Variants in ZBTB25 observed in about 807,000 individuals in gnomAD.
The protein encoded by ZBTB25 is zinc finger and BTB domain-containing protein 25.
A neutral mutation model predicts 34.2 loss-of-function variants in ZBTB25; 20 were observed. The ratio of observed to expected loss-of-function variants is 0.58; its 90% CI spans 0.41 to 0.85. The LOEUF (loss-of-function observed/expected upper bound fraction) is 0.85, where lower values mean the gene tolerates loss of function less well. ZBTB25 is among the 40% of genes least tolerant of loss of function. The probability of loss-of-function intolerance (pLI) is 0.00; values close to 1 mark genes in which losing one functional copy is unlikely to be tolerated. For synonymous variants in ZBTB25, 175 were observed against 186.4 expected (o/e 0.94, Z 0.50); for missense variants, 437 against 521.8 (o/e 0.84, Z 1.58).
Position 64,481,843 on chromosome 14 carries a change from T to G in ZBTB25, c.*5080A>C, listed in dbSNP as rs1011336060. 6.6e-6 allele frequency: 1 copy of G among 152,178 alleles called. No individual in the cohort carries two copies. The highest frequency in any genetic ancestry group is 1.9e-4 in the East Asian group (1 of 5,202). 9.4% of individuals were successfully genotyped at this position (152,178 alleles called of 1,614,324 possible). On this transcript the variant is annotated 3_prime_UTR_variant, in exon 3 of 3. Transcript: ENST00000608382. ...ACTTCACTCTTAAGAAATCAAAAAT[T>G]AATAATTTAAGTGCCACAAATCTAT...
downstream of ZBTB25, chr14:64,473,683 C>A (rs1341892401): frequency 1.8e-5 from 3 of 166,810 alleles, no homozygotes; most frequent in Non-Finnish European, 4.4e-5. Flanking sequence ...TGAAAAGATC[C>A]TTTTAATGTC....
chr14:64,502,904 A>G (rs2079543695), intron 1 of ZBTB25: 1 of 985,416 alleles, frequency 1.0e-6, no homozygotes, highest in Non-Finnish European at 1.2e-6. Flanking sequence ...TACATACATG[A>G]CAGAATCTTG....
chr14:64,477,918 A>G (rs1185179393), downstream of ZBTB25: 2 of 152,270 alleles, frequency 1.3e-5, no homozygotes, highest in Non-Finnish European at 2.9e-5. Context: ...AGTGGGTGAG[A>G]GCCATCTTCT....
chr14:64,503,492 T>C, intron 1 of ZBTB25, 169 bp downstream of exon 1: 1 of 985,372 alleles, frequency 1.0e-6, no homozygotes, highest in African/African-American at 1.7e-5. Flanking sequence ...GCGGATGTAT[T>C]TTCCTCCTGT....
At chr14:64,498,682 G>A (rs1158039770) in intron 1 of ZBTB25, among the ~76,000 whole-genome samples, 1 of 151,718 alleles carries the variant, frequency 6.6e-6, no homozygotes, top group African/African-American at 2.4e-5. Context: ...TGCCCAGGCT[G>A]GAGTGCAGTG....
intron 2 of ZBTB25, among the ~76,000 whole-genome samples, chr14:64,454,382 G>C (rs2078429753): frequency 6.6e-6 from 1 of 152,106 alleles, no homozygotes; most frequent in Non-Finnish European, 1.5e-5. Flanking sequence ...CAAAGTGCTG[G>C]AATTTATAGG....
At chr14:64,459,809 T>G in intron 2 of ZBTB25, 2 of 1,535,870 alleles carry the variant, frequency 1.3e-6, no homozygotes, top group Non-Finnish European at 1.7e-6. Flanking sequence ...CAGTGTCTAT[T>G]CAGGCCCACT....
Position 64,454,818 on chromosome 14 carries a change from C to T in ZBTB25, c.174-5180G>A, listed in dbSNP as rs759391345. 19 of 1,614,206 alleles carry T rather than the reference C, an allele frequency of 1.2e-5. No individual in the cohort carries two copies. Among genetic ancestry groups the T allele is most frequent in the Non-Finnish European group, 1.6e-5 (19 of 1,180,032 alleles). On this transcript the variant is annotated intron_variant, in intron 2 of 2. Coordinates refer to the ZBTB25 transcript ENST00000555220. ...GTGTCCCTACAGGCTTCATTCTGCC[C>T]ATTCGCGACATCCGCGCCAGCGTTG... is the stretch of plus-strand genomic sequence containing the variant.
intron 2 of ZBTB25, chr14:64,462,853 T>A (rs1192723484): frequency 6.6e-6 from 1 of 152,206 alleles, no homozygotes; most frequent in Non-Finnish European, 1.5e-5. Flanking sequence ...GAGGGCTTAT[T>A]CCCAGAAGGC....
Position 64,485,765 on chromosome 14 carries a change from G to C in ZBTB25, c.*1158C>G. 1 of 985,382 alleles carries C rather than the reference G, an allele frequency of 1.0e-6. No homozygotes were observed. Among genetic ancestry groups the C allele is most frequent in the Non-Finnish European group, 1.2e-6 (1 of 829,920 alleles). The allele number at this position is 985,382 out of a possible 1,614,324, so 61.0% of individuals were successfully genotyped here. A position where few individuals can be genotyped will look rare whatever the true frequency, so the allele number is the denominator to read the frequency against. Reference sequence around the variant, plus strand: ...CCCAAAAATCCTGACGCTGAGGGTAGAAACATGATTTATATTTTATCATCA... The same window carrying C: ...CCCAAAAATCCTGACGCTGAGGGTACAAACATGATTTATATTTTATCATCA... On this transcript the variant is annotated 3_prime_UTR_variant, in exon 3 of 3. Transcript: ENST00000608382.
At chr14:64,454,524 C>A (rs1170503763) in intron 2 of ZBTB25, among the ~76,000 whole-genome samples, 1 of 151,138 alleles carries the variant, frequency 6.6e-6, no homozygotes. Flanking sequence ...TTGTGAGTAC[C>A]TAACTCCCTC....
At chr14:64,477,827 G>T (rs148733777), downstream of ZBTB25, among the ~76,000 whole-genome samples, 362 of 152,272 alleles carry the variant, frequency 2.4e-3, 1 homozygote, top group African/African-American at 8.2e-3. Context: ...TTCCTCAAAG[G>T]CCTGCTGGAT....
rs2078848453 is a variant in ZBTB25, at chr14:64,485,514, C to G, written c.*1409G>C. ...CCGGGGAATCTGTTATTTCTTTCAT[C>G]AACTTTAATTTTCCTGGGGTTTTAG... On this transcript the variant is annotated 3_prime_UTR_variant, in exon 3 of 3. Coordinates refer to ENST00000608382, the MANE Select transcript of ZBTB25 (RefSeq NM_006977.5). 1 of 985,218 alleles carries G rather than the reference C, an allele frequency of 1.0e-6. No homozygotes were observed. The highest frequency in any genetic ancestry group is 1.2e-6 in the Non-Finnish European group (1 of 829,904). 61.0% of individuals were successfully genotyped at this position (985,218 alleles called of 1,614,324 possible).
At position 64,479,055 on chromosome 14, in the gene ZBTB25, T is replaced by C. The variant is rs1430850747; in HGVS notation, c.*7868A>G. 1.3e-5 allele frequency: 2 copies of C among 152,234 alleles called. No individual in the cohort carries two copies. Among genetic ancestry groups the C allele is most frequent in the Non-Finnish European group, 2.9e-5 (2 of 68,046 alleles). 9.4% of individuals were successfully genotyped at this position (152,234 alleles called of 1,614,324 possible). A position where few individuals can be genotyped will look rare whatever the true frequency, so the allele number is the denominator to read the frequency against. ...CTTTTATTTCTAATAATCACATTTT[T>C]ATCTTTTAAAAGCTGGGATCAAGGA... On this transcript the variant is annotated 3_prime_UTR_variant, in exon 3 of 3. Coordinates refer to ENST00000608382, the MANE Select transcript of ZBTB25 (RefSeq NM_006977.5).
intron 2 of ZBTB25, chr14:64,455,038 G>T: frequency 1.4e-6 from 1 of 726,196 alleles, no homozygotes; most frequent in East Asian, 2.6e-5. Context: ...TATAAAGCAG[G>T]AGCTATATAG....
chr14:64,503,416 G>A (rs2079564734), intron 1 of ZBTB25: 10 of 985,452 alleles, frequency 1.0e-5, no homozygotes, highest in Non-Finnish European at 1.1e-5. Flanking sequence ...CCTGAATCAG[G>A]CCCCGGCAGC....
chr14:64,459,569 G>A, intron 2 of ZBTB25, among the ~76,000 whole-genome samples: 1 of 152,180 alleles, frequency 6.6e-6, no homozygotes, highest in Non-Finnish European at 1.5e-5. Context: ...TATTCACACA[G>A]TACTATGGAA....
intron 2 of ZBTB25, 46 bp from the exon 3 acceptor site, chr14:64,488,103 G>A (rs747293910): frequency 8.9e-6 from 14 of 1,581,452 alleles, no homozygotes; most frequent in Middle Eastern, 1.7e-4. Flanking sequence ...ACACAACCTA[G>A]CTGGCCTTTC....
chr14:64,500,960 AGAATCGCTTGAATGCAG>A (rs887985959), intron 1 of ZBTB25, among the ~76,000 whole-genome samples: 2 of 152,254 alleles, frequency 1.3e-5, no homozygotes, highest in Non-Finnish European at 2.9e-5. Context: ...CTGAAGCCAG[AGAATCGCTTGAATGCAG>A]GAGGCGGAGG....
Sources: gnomAD v4.1 joint callset for allele counts (sites outside exome capture counted in the v4.1 genomes callset) on GRCh38, gnomAD v4.1.1 for gene constraint, MANE v1.5 for transcripts, NCBI Gene and HGNC (gene_info 2026-07-23, HGNC 2026-07-21) for gene names.